PDE6D: variants seen among roughly 807,000 people sequenced by gnomAD.
PDE6D encodes phosphodiesterase 6D, also known as retinal rod rhodopsin-sensitive cGMP 3',5'-cyclic phosphodiesterase subunit delta.
PDE6D carries 10 observed loss-of-function variants against 21.9 expected under a neutral mutation model. The observed-to-expected ratio is 0.46, with a 90% CI of 0.28 to 0.78. The LOEUF (loss-of-function observed/expected upper bound fraction) is 0.78. Ranked by LOEUF, PDE6D falls within the 30% of genes least tolerant of loss-of-function variation. PDE6D has a pLI of 0.12. For synonymous variants in PDE6D, 59 were observed against 63.5 expected, an observed-to-expected ratio of 0.93 and a Z score of 0.34; for missense variants, 139 against 184.8, an observed-to-expected ratio of 0.75 and a Z score of 1.44.
chr2:231,781,262 C>G lies in PDE6D; in HGVS notation c.-148G>C, dbSNP rs571970266. 2 of 671,114 alleles carry G rather than the reference C, an allele frequency of 3.0e-6. No homozygotes were observed. Among genetic ancestry groups the G allele is most frequent in the Admixed American group, 2.6e-5 (1 of 38,124 alleles). The allele number at this position is 671,114 out of a possible 1,614,324, so 41.6% of individuals were successfully genotyped here. On this transcript the variant is annotated 5_prime_UTR_variant, in exon 1 of 5. Transcript: ENST00000287600. ...CCAGACCAGGACCGGCCTCTCTCTCCCCTCAGCTCCCGCTTCTGATCCCTT... is the reference window on the plus strand; with the variant it reads ...CCAGACCAGGACCGGCCTCTCTCTCGCCTCAGCTCCCGCTTCTGATCCCTT...
intron 4 of PDE6D, 138 bp from the exon 5 acceptor site, chr2:231,733,171 T>A: frequency 1.6e-6 from 1 of 643,808 alleles, no homozygotes; most frequent in South Asian, 1.8e-5. Flanking sequence ...TTGGGGACAT[T>A]AAAATCCTTG....
chr2:231,737,882 T>G (rs1274226189), intron 3 of PDE6D, 131 bp downstream of exon 3: 3 of 876,008 alleles, frequency 3.4e-6, no homozygotes, highest in African/African-American at 1.7e-5. Context: ...TCTTGCAGAG[T>G]GTAGGAATCC....
intron 1 of PDE6D, among the ~76,000 whole-genome samples, chr2:231,769,878 T>C (rs2049001614): frequency 6.6e-6 from 1 of 152,228 alleles, no homozygotes; most frequent in South Asian, 2.1e-4. Flanking sequence ...TAACACTCTG[T>C]AACAGGAACC....
intron 1 of PDE6D, among the ~76,000 whole-genome samples, chr2:231,743,957 G>T (rs916198235): frequency 4.6e-5 from 7 of 152,130 alleles, no homozygotes; most frequent in Admixed American, 4.6e-4. Flanking sequence ...GTCCTCATTC[G>T]ACCTTCTCTG....
intron 1 of PDE6D, among the ~76,000 whole-genome samples, chr2:231,750,865 C>A (rs1403151854): frequency 6.6e-6 from 1 of 151,932 alleles, no homozygotes; most frequent in African/African-American, 2.4e-5. Flanking sequence ...GCATTATATT[C>A]AGGGTTACCT....
intron 2 of PDE6D, among the ~76,000 whole-genome samples, chr2:231,738,428 G>C (rs1441768549): frequency 6.6e-6 from 1 of 152,118 alleles, no homozygotes; most frequent in Non-Finnish European, 1.5e-5. Context: ...CATCAGGAAG[G>C]GGGCTGCATG....
At chr2:231,735,333 C>T (rs1392631504) in intron 4 of PDE6D, among the ~76,000 whole-genome samples, 2 of 147,970 alleles carry the variant, frequency 1.4e-5, no homozygotes, top group African/African-American at 5.0e-5. Flanking sequence ...GGAGTCTCGC[C>T]CTGTCACCCA....
chr2:231,763,350 C>T (rs915564011), intron 1 of PDE6D, among the ~76,000 whole-genome samples: 6 of 152,116 alleles, frequency 3.9e-5, no homozygotes, highest in African/African-American at 1.4e-4. Flanking sequence ...CTCTATTCTC[C>T]TTTTTTCCTT....
chr2:231,778,043 A>T (rs1285977255), intron 1 of PDE6D, among the ~76,000 whole-genome samples: 1 of 152,216 alleles, frequency 6.6e-6, no homozygotes, highest in Non-Finnish European at 1.5e-5. Context: ...AGAGGCAGGC[A>T]GATCATGAGG....
chr2:231,740,640 G>A (rs1377966790), intron 1 of PDE6D, among the ~76,000 whole-genome samples: 1 of 138,358 alleles, frequency 7.2e-6, no homozygotes, highest in African/African-American at 2.8e-5. Flanking sequence ...GAGATCATGC[G>A]ACTGCACTCC....
intron 1 of PDE6D, among the ~76,000 whole-genome samples, chr2:231,772,560 C>T (rs1045713606): frequency 1.3e-5 from 2 of 152,182 alleles, no homozygotes; most frequent in Admixed American, 1.3e-4. Flanking sequence ...AAAATTCCTT[C>T]CTATGATGCT....
At chr2:231,735,241 CAAA>C (rs201484196) in intron 4 of PDE6D, among the ~76,000 whole-genome samples, 1,332 of 86,878 alleles carry the variant, frequency 0.015, 11 homozygotes, top group Admixed American at 0.033. Flanking sequence ...GACTCCATAT[CAAA>C]AAAAAAAAAA....
intron 1 of PDE6D, among the ~76,000 whole-genome samples, chr2:231,775,912 G>C (rs2049052444): frequency 6.6e-6 from 1 of 152,036 alleles, no homozygotes; most frequent in South Asian, 2.1e-4. Flanking sequence ...AATCATAAAA[G>C]CATAATTCAT....
chr2:231,761,601 G>A (rs1176864697), intron 1 of PDE6D, among the ~76,000 whole-genome samples: 3 of 152,186 alleles, frequency 2.0e-5, no homozygotes, highest in African/African-American at 7.2e-5. Flanking sequence ...GACAGCATGA[G>A]GCCAGGGAAA....
intron 1 of PDE6D, among the ~76,000 whole-genome samples, chr2:231,765,491 T>C (rs781218800): frequency 2.0e-5 from 3 of 152,186 alleles, no homozygotes; most frequent in Non-Finnish European, 4.4e-5. Context: ...AGAGTACTCA[T>C]AAATTATATA....
At chr2:231,751,795 G>A (rs932731147) in intron 1 of PDE6D, among the ~76,000 whole-genome samples, 2 of 151,982 alleles carry the variant, frequency 1.3e-5, no homozygotes, top group African/African-American at 2.4e-5. Context: ...ATGACCGATC[G>A]ATGCTGATGT....
intron 1 of PDE6D, among the ~76,000 whole-genome samples, chr2:231,752,414 A>G (rs998360764): frequency 6.6e-6 from 1 of 152,264 alleles, no homozygotes; most frequent in African/African-American, 2.4e-5. Context: ...GCCTACAAAA[A>G]TGGTTTAGAG....
At chr2:231,772,447 G>A (rs565410946) in intron 1 of PDE6D, among the ~76,000 whole-genome samples, 120 of 152,196 alleles carry the variant, frequency 7.9e-4, no homozygotes, top group African/African-American at 2.7e-3. Context: ...ATTATAAGCA[G>A]GTCAAAAGCA....
At chr2:231,778,083 T>C (rs951437600) in intron 1 of PDE6D, among the ~76,000 whole-genome samples, 6 of 152,104 alleles carry the variant, frequency 3.9e-5, no homozygotes, top group South Asian at 2.1e-4. Flanking sequence ...TTGGCCAACA[T>C]GGTGAAACCC....
Sources: allele counts gnomAD v4.1 joint callset (sites outside exome capture counted in the v4.1 genomes callset), GRCh38; gene constraint gnomAD v4.1.1; transcripts MANE v1.5; gene names NCBI Gene and HGNC (gene_info 2026-07-23, HGNC 2026-07-21).